Variants in LURAP1 observed in about 807,000 individuals in gnomAD.
The protein encoded by LURAP1 is leucine rich adaptor protein 1, also known as NF-kappa-B activator C1orf190.
A neutral mutation model predicts 19.0 loss-of-function variants in LURAP1; 14 were observed. The observed-to-expected ratio is 0.74, with a 90% CI of 0.49 to 1.15. The LOEUF is 1.15. Among genes scored for constraint, LURAP1 ranks in the 50% most tolerant of loss-of-function variants. LURAP1 has a pLI of 0.00. For synonymous variants in LURAP1, 129 were observed against 131.8 expected (o/e 0.98, Z 0.14); for missense variants, 273 against 309.1 (o/e 0.88, Z 0.87).
chr1:46,215,162 C>T (rs1335002393), intron 1 of LURAP1, among the ~76,000 whole-genome samples: 1 of 147,980 alleles, frequency 6.8e-6, no homozygotes, highest in Non-Finnish European at 1.5e-5. Flanking sequence ...GGAGGTGGAG[C>T]TTGCAGTAAG....
At position 46,219,717 on chromosome 1, in the gene LURAP1, G is replaced by A. The variant is rs765003029; in HGVS notation, c.217G>A (p.Asp73Asn). ...CCCCCAGGCTTACCTGCGAGCCATC[G>A]ATGTGAAGATCCTGCAGCAGCTGGT... ...KMELAYLRAIDVKILQQLVTL... is the reference protein window; with the variant it reads ...KMELAYLRAINVKILQQLVTL... The change falls in exon 2 of 2, where the codon GAT becomes AAT. Residue 73 changes from aspartate (D) to asparagine (N), a missense_variant. Asp to Asn is a conservative substitution (Grantham distance 23, BLOSUM62 1). Transcript: ENST00000371980. 9.4e-6 allele frequency: 15 copies of A among 1,598,146 alleles called. No homozygotes were observed. Among genetic ancestry groups the A allele is most frequent in the South Asian group, 1.1e-5 (1 of 88,468 alleles).
intron 1 of LURAP1, 82 bp downstream of exon 1, chr1:46,203,706 C>A (rs1252279217): frequency 2.2e-6 from 3 of 1,381,210 alleles, no homozygotes; most frequent in Non-Finnish European, 2.9e-6. Context: ...CAGAGTTAAG[C>A]TGGAGAGGAG....
At position 46,205,322 on chromosome 1, in the gene LURAP1, A is replaced by T. The variant is rs79547530; in HGVS notation, c.198+1698A>T. On this transcript the variant is annotated intron_variant, in intron 1 of 1. Coordinates refer to ENST00000371980, the MANE Select transcript of LURAP1 (RefSeq NM_001013615.3). ...GGAAGGGAGGGAGGGAGGAGAAAAG[A>T]AAAGAAAACAGAGGCACAGGGAGTT... Among the ~76,000 whole-genome samples the T allele has an allele frequency of 7.8e-4, 118 of 152,226 alleles. 4 individuals carry two copies. In the East Asian group the frequency reaches 9.5e-3, roughly 12 times the overall value.
At chr1:46,205,094 C>CA (rs1658669356) in intron 1 of LURAP1, among the ~76,000 whole-genome samples, 1 of 151,966 alleles carries the variant, frequency 6.6e-6, no homozygotes, top group Non-Finnish European at 1.5e-5. Context: ...CCTGTCTCTA[C>CA]AAAAAATACA....
chr1:46,220,316 G>A lies in LURAP1; in HGVS notation c.*96G>A, dbSNP rs1571694677. 2 of 1,321,056 alleles carry A rather than the reference G, an allele frequency of 1.5e-6. No homozygotes were observed. The highest frequency in any genetic ancestry group is 4.6e-5 in the East Asian group (2 of 43,108). 81.8% of individuals were successfully genotyped at this position (1,321,056 alleles called of 1,614,324 possible). ...CTCCCTCAGTCTGAGACTAGGAAGA[G>A]GCTGCACTGAAATCAGTTACCATGG... On this transcript the variant is annotated 3_prime_UTR_variant, in exon 2 of 2. Coordinates refer to ENST00000371980, the MANE Select transcript of LURAP1 (RefSeq NM_001013615.3).
chr1:46,217,275 C>A (rs1442256289), intron 1 of LURAP1, among the ~76,000 whole-genome samples: 1 of 152,030 alleles, frequency 6.6e-6, no homozygotes, highest in African/African-American at 2.4e-5. Context: ...ATAGATAGAA[C>A]GTGTCATGCA....
At chr1:46,213,110 C>T (rs960185527) in intron 1 of LURAP1, among the ~76,000 whole-genome samples, 22 of 151,904 alleles carry the variant, frequency 1.4e-4, no homozygotes, top group Non-Finnish European at 8.8e-5. Flanking sequence ...TGTATATATG[C>T]ACATATATAT....
intron 1 of LURAP1, among the ~76,000 whole-genome samples, chr1:46,208,617 C>T (rs984645416): frequency 1.3e-5 from 2 of 152,078 alleles, no homozygotes; most frequent in East Asian, 1.9e-4. Flanking sequence ...CCGAGGCGGG[C>T]GGATCACCTG....
chr1:46,218,321 G>A (rs1190995854), intron 1 of LURAP1, among the ~76,000 whole-genome samples: 1 of 152,212 alleles, frequency 6.6e-6, no homozygotes, highest in African/African-American at 2.4e-5. Flanking sequence ...AGGAGATGGA[G>A]GCTGTAGTGA....
chr1:46,219,886 GCCTGCCAGACA>G lies in LURAP1; in HGVS notation c.389_399del (p.Leu130GlnfsTer25). ...CGCTCAAGGCGAGGCAGCTGGGACAGCCTGCCAGACACCAGCACCACCGACCGGCTGGACAG... is the reference window on the plus strand; with the variant it reads ...CGCTCAAGGCGAGGCAGCTGGGACAGCCAGCACCACCGACCGGCTGGACAG... On this transcript the variant is annotated frameshift_variant, in exon 2 of 2. Transcript: ENST00000371980. LOFTEE classifies it high-confidence loss of function. 1 of 1,613,862 alleles carries G rather than the reference GCCTGCCAGACA, an allele frequency of 6.2e-7. No homozygotes were observed. Among genetic ancestry groups the G allele is most frequent in the Non-Finnish European group, 8.5e-7 (1 of 1,179,828 alleles).
chr1:46,203,381 G>T lies in LURAP1; in HGVS notation c.-46G>T, dbSNP rs763647888. On this transcript the variant is annotated 5_prime_UTR_variant, in exon 1 of 2. Coordinates refer to ENST00000371980, the MANE Select transcript of LURAP1 (RefSeq NM_001013615.3). Reference sequence around the variant, plus strand: ...GGCGAAGGGAGGACCCCCGGGAGCCGGTCCCCGGCGTCCGGTCGCCCAGCC... The same window carrying T: ...GGCGAAGGGAGGACCCCCGGGAGCCTGTCCCCGGCGTCCGGTCGCCCAGCC... 3.5e-6 allele frequency: 5 copies of T among 1,429,934 alleles called. No individual in the cohort carries two copies. The highest frequency in any genetic ancestry group is 4.6e-6 in the Non-Finnish European group (5 of 1,087,130). The allele number at this position is 1,429,934 out of a possible 1,614,324, so 88.6% of individuals were successfully genotyped here.
At position 46,219,859 on chromosome 1, in the gene LURAP1, G is replaced by A. The variant is rs1659178706; in HGVS notation, c.359G>A (p.Gly120Asp). The A allele has an allele frequency of 6.2e-7, 1 of 1,613,928 alleles. No homozygotes were observed. Among genetic ancestry groups the A allele is most frequent in the Non-Finnish European group, 8.5e-7 (1 of 1,179,906 alleles). ...SQYSLTGGSP[G>D]RSRRGSWDSL... is the part of the protein sequence containing the mutation. Reference sequence around the variant, plus strand: ...TATAGCCTGACAGGCGGGAGCCCAGGCCGCTCAAGGCGAGGCAGCTGGGAC... The same window carrying A: ...TATAGCCTGACAGGCGGGAGCCCAGACCGCTCAAGGCGAGGCAGCTGGGAC... Residue 120 changes from glycine (G) to aspartate (D), a missense_variant, in exon 2 of 2, where the codon GGC (glycine) becomes GAC (aspartate). Gly to Asp is a moderately conservative substitution (Grantham distance 94). Coordinates refer to ENST00000371980, the MANE Select transcript of LURAP1 (RefSeq NM_001013615.3).
chr1:46,218,217 C>T (rs564892093), intron 1 of LURAP1, among the ~76,000 whole-genome samples: 51 of 152,202 alleles, frequency 3.4e-4, no homozygotes, highest in African/African-American at 1.2e-3. Flanking sequence ...CAAGGTGAGA[C>T]CTTGTCTGTA....
At chr1:46,207,335 C>T (rs1461930184) in intron 1 of LURAP1, among the ~76,000 whole-genome samples, 1 of 152,112 alleles carries the variant, frequency 6.6e-6, no homozygotes, top group African/African-American at 2.4e-5. Context: ...CTGCCTCAGC[C>T]TCCCAAAGTG....
At chr1:46,216,043 C>CTTTTTTT (rs141982741) in intron 1 of LURAP1, among the ~76,000 whole-genome samples, 171 of 92,536 alleles carry the variant, frequency 1.8e-3, no homozygotes, top group Non-Finnish European at 2.2e-3. Context: ...TTTATTTTAT[C>CTTTTTTT]TTTTTTTTTT....
At chr1:46,205,201 T>C (rs187981197) in intron 1 of LURAP1, among the ~76,000 whole-genome samples, 7 of 151,840 alleles carry the variant, frequency 4.6e-5, no homozygotes, top group Admixed American at 2.6e-4. Flanking sequence ...GAGGTTGCAG[T>C]GAGCTGAAAT....
chr1:46,209,686 T>G (rs905436660), intron 1 of LURAP1, among the ~76,000 whole-genome samples: 2 of 151,926 alleles, frequency 1.3e-5, no homozygotes, highest in African/African-American at 4.8e-5. Flanking sequence ...AATTTTTGTA[T>G]TTTTAGTAGA....
intron 1 of LURAP1, among the ~76,000 whole-genome samples, chr1:46,204,437 G>A (rs143873222): frequency 6.6e-6 from 1 of 152,216 alleles, no homozygotes; most frequent in Non-Finnish European, 1.5e-5. Flanking sequence ...ATTTACACCT[G>A]CCACTACTTT....
In LURAP1 at chr1:46,203,415, G is replaced by C. The variant is rs1364354600; in HGVS notation, c.-12G>C. ...CGTCCGGTCGCCCAGCCCTTTTCAGGCTTGGGCCCGCATGGAGGGGACCGT... is the reference window on the plus strand; with the variant it reads ...CGTCCGGTCGCCCAGCCCTTTTCAGCCTTGGGCCCGCATGGAGGGGACCGT... On this transcript the variant is annotated 5_prime_UTR_variant, in exon 1 of 2. Coordinates refer to ENST00000371980, the MANE Select transcript of LURAP1 (RefSeq NM_001013615.3). 6.9e-7 allele frequency: 1 copy of C among 1,450,044 alleles called. No homozygotes were observed. Among genetic ancestry groups the C allele is most frequent in the Non-Finnish European group, 9.1e-7 (1 of 1,099,492 alleles). 89.8% of individuals were successfully genotyped at this position (1,450,044 alleles called of 1,614,324 possible).
Sources: gnomAD v4.1 joint callset for allele counts (sites outside exome capture counted in the v4.1 genomes callset) on GRCh38, gnomAD v4.1.1 for gene constraint, MANE v1.5 for transcripts, NCBI Gene and HGNC (gene_info 2026-07-23, HGNC 2026-07-21) for gene names.